The following MYO1H variants were observed in gnomAD, a reference collection of about 807,000 sequenced individuals.
MYO1H encodes myosin IH, also known as unconventional myosin-Ih.
A neutral mutation model predicts 149.3 loss-of-function variants in MYO1H; 118 were observed. The ratio of observed to expected loss-of-function variants is 0.79; its 90% CI spans 0.68 to 0.92. MYO1H has a LOEUF of 0.92. Ranked by LOEUF, MYO1H falls within the 40% of genes least tolerant of loss-of-function variation. The probability of loss-of-function intolerance (pLI) is 0.00; values close to 1 mark genes in which losing one functional copy is unlikely to be tolerated. For missense variants in MYO1H, 1,212 were observed against 1,280.7 expected (o/e 0.95, Z 0.82); for synonymous variants, 447 against 465.2 (o/e 0.96, Z 0.50).
intron 15 of MYO1H, among the ~76,000 whole-genome samples, chr12:109,417,651 A>T (rs1459092267): frequency 6.6e-6 from 1 of 151,980 alleles, no homozygotes; most frequent in Non-Finnish European, 1.5e-5. Context: ...TTCCAACCGT[A>T]TTAGTGGGTG....
At chr12:109,369,046 G>A (rs1868929313) in intron 1 of MYO1H, among the ~76,000 whole-genome samples, 1 of 151,988 alleles carries the variant, frequency 6.6e-6, no homozygotes, top group African/African-American at 2.4e-5. Context: ...GGAGTGTAGT[G>A]GTGTGATCTC....
At chr12:109,340,490 C>T in the MYO1H span, among the ~76,000 whole-genome samples, 7 of 152,258 alleles carry the variant, frequency 4.6e-5, no homozygotes, top group East Asian at 5.8e-4. Context: ...TAACACCCCC[C>T]TGTTCTCTAC....
At chr12:109,341,941 G>T in the MYO1H span, among the ~76,000 whole-genome samples, 3 of 151,940 alleles carry the variant, frequency 2.0e-5, no homozygotes, top group African/African-American at 7.3e-5. Flanking sequence ...CAGATTTCAG[G>T]TTTTATATAT....
chr12:109,387,186 AT>A, intron 1 of MYO1H, among the ~76,000 whole-genome samples: 1 of 152,204 alleles, frequency 6.6e-6, no homozygotes, highest in South Asian at 2.1e-4. Flanking sequence ...CTGCCTCAGC[AT>A]CCCAGTGTGC....
chr12:109,405,396 C>T (rs563717435), intron 7 of MYO1H, among the ~76,000 whole-genome samples: 33 of 152,254 alleles, frequency 2.2e-4, no homozygotes, highest in Non-Finnish European at 3.4e-4. Context: ...CTGCAACCTC[C>T]GCCTCCCGGG....
chr12:109,394,394 T>C (rs1421968143), intron 3 of MYO1H, among the ~76,000 whole-genome samples: 1 of 152,248 alleles, frequency 6.6e-6, no homozygotes, highest in Non-Finnish European at 1.5e-5. Flanking sequence ...TCACAGAAGC[T>C]AGAAAATATA....
At chr12:109,410,850 G>A in intron 13 of MYO1H, 82 bp downstream of exon 13, 1 of 972,092 alleles carries the variant, frequency 1.0e-6, no homozygotes. Flanking sequence ...GCTTAAAAAG[G>A]GTTGAGCCAG....
chr12:109,338,665 G>T, the MYO1H span, among the ~76,000 whole-genome samples: 2 of 151,378 alleles, frequency 1.3e-5, no homozygotes, highest in African/African-American at 2.4e-5. Context: ...CTACTCGGGA[G>T]GCTGAAGCAG....
intron 20 of MYO1H, among the ~76,000 whole-genome samples, chr12:109,433,416 A>T (rs773584592): frequency 1.1e-4 from 17 of 152,010 alleles, no homozygotes; most frequent in Non-Finnish European, 2.4e-4. Context: ...GTGTGCTGGA[A>T]CTCTTAACTG....
the MYO1H span, among the ~76,000 whole-genome samples, chr12:109,331,823 C>G: frequency 6.6e-6 from 1 of 152,284 alleles, no homozygotes; most frequent in South Asian, 2.1e-4. Context: ...CTAATTTGTT[C>G]CTAATGCTTT....
intron 11 of MYO1H, 72 bp downstream of exon 11, chr12:109,409,696 C>T (rs999632729): frequency 2.3e-5 from 28 of 1,235,342 alleles, no homozygotes; most frequent in Admixed American, 1.2e-4. Context: ...TTAAATCTTT[C>T]GCTAATGTTA....
intron 14 of MYO1H, 34 bp from the exon 15 acceptor site, chr12:109,415,492 G>C: frequency 6.4e-7 from 1 of 1,555,426 alleles, no homozygotes; most frequent in Non-Finnish European, 8.7e-7. Flanking sequence ...GAAAAGAAAA[G>C]AAAGTTCAAC....
rs759359827 is a variant in MYO1H at position 109,439,582 on chromosome 12, C to T, written c.2295-49C>T. On this transcript the variant is annotated intron_variant, in intron 23 of 31. Coordinates refer to ENST00000310903, the Ensembl canonical transcript of MYO1H. ...AAAGAAGGGGGAAGAGAATGTAAAT[C>T]TCGGTGAAGAAATGGTCCAGAAAAG... 3 of 1,547,626 alleles carry T rather than the reference C, an allele frequency of 1.9e-6. No individual in the cohort carries two copies. In the South Asian group the frequency reaches 3.6e-5, roughly 19 times the overall value.
intron 8 of MYO1H, among the ~76,000 whole-genome samples, chr12:109,406,466 TTAAAAAAAAAAAAAAAAAA>T (rs1377888169): frequency 1.1e-4 from 11 of 101,734 alleles, no homozygotes; most frequent in African/African-American, 3.8e-4. Flanking sequence ...ACCCTATCTC[TTAAAAAAAAAAAAAAAAAA>T]AAAAAAAAAA....
chr12:109,441,661 A>G, exon 26 of MYO1H: 1 of 1,613,438 alleles, frequency 6.2e-7, no homozygotes, highest in Non-Finnish European at 8.5e-7. Context: ...GGAAGGAAAG[A>G]CGGCTACACA....
At chr12:109,397,096 T>C (rs1014514323) in intron 4 of MYO1H, among the ~76,000 whole-genome samples, 1 of 152,152 alleles carries the variant, frequency 6.6e-6, no homozygotes, top group Non-Finnish European at 1.5e-5. Context: ...CCCAAAGTGC[T>C]GTAATTACAG....
At chr12:109,356,757 C>A (rs1271775385) in intron 1 of MYO1H, among the ~76,000 whole-genome samples, 3 of 152,112 alleles carry the variant, frequency 2.0e-5, no homozygotes. Context: ...TGCTGATATT[C>A]ATAATTATAC....
At chr12:109,348,258 A>G (rs932510613) in intron 1 of MYO1H, among the ~76,000 whole-genome samples, 2 of 152,224 alleles carry the variant, frequency 1.3e-5, no homozygotes, top group Non-Finnish European at 2.9e-5. Context: ...ATAAAGACAG[A>G]AATGGTCTCT....
chr12:109,404,848 CTTT>C (rs11286105), intron 7 of MYO1H, among the ~76,000 whole-genome samples: 3 of 136,828 alleles, frequency 2.2e-5, no homozygotes, highest in East Asian at 4.2e-4. Context: ...ATCTTTTTGT[CTTT>C]TTTTTTTTTT....
Sources: gnomAD v4.1 joint callset for allele counts (sites outside exome capture counted in the v4.1 genomes callset) on GRCh38, gnomAD v4.1.1 for gene constraint, MANE v1.5 for transcripts, NCBI Gene and HGNC (gene_info 2026-07-23, HGNC 2026-07-21) for gene names.